The following CHST9 variants were observed in gnomAD, a reference collection of about 807,000 sequenced individuals.
CHST9 encodes carbohydrate sulfotransferase 9.
Under a neutral mutation model 44.4 loss-of-function variants are expected in CHST9, and 41 were observed. The observed-to-expected ratio is 0.92, with a 90% CI of 0.72 to 1.20. The LOEUF (loss-of-function observed/expected upper bound fraction) is 1.20. Ranked by LOEUF, CHST9 falls within the 50% of genes most tolerant of loss-of-function variation. The pLI, the probability that CHST9 is intolerant of heterozygous loss-of-function variation, is 0.00. For missense variants in CHST9, 504 were observed against 516.5 expected, an observed-to-expected ratio of 0.98 and a Z score of 0.23; for synonymous variants, 171 against 178.4, an observed-to-expected ratio of 0.96 and a Z score of 0.33.
rs144665290 is a variant in CHST9, at chr18:26,917,276, A to G, written c.315T>C (p.Thr105=). The G allele has an allele frequency of 7.3e-4, 1,182 of 1,613,802 alleles. 19 individuals carry two copies. In the East Asian group the frequency reaches 0.022, roughly 30 times the overall value. ...AATGACTGGTCTTTGTTAAGAGCCT[A>G]GTAGATCTCTCAGAATTGAGTAGAA... The part of the protein sequence containing the change: ...ENLLLNSERS[T]RLLTKTSHSQ... The change falls in exon 6 of 6, where the codon ACT becomes ACC. Residue 105 remains threonine, a synonymous_variant. Transcript: ENST00000618847.
chr18:27,120,062 CA>C (rs1470660851), intron 2 of CHST9, among the ~76,000 whole-genome samples: 1 of 152,154 alleles, frequency 6.6e-6, no homozygotes, highest in Non-Finnish European at 1.5e-5. Flanking sequence ...GGAAAGGCCC[CA>C]TCAAGAGAAA....
chr18:27,106,352 C>T (rs554756264), intron 2 of CHST9, among the ~76,000 whole-genome samples: 27 of 152,210 alleles, frequency 1.8e-4, no homozygotes, highest in African/African-American at 5.8e-4. Context: ...CTTAGTTTCC[C>T]GTCTTAATGA....
intron 4 of CHST9, among the ~76,000 whole-genome samples, chr18:26,997,607 CT>C (rs1395040925): frequency 2.0e-5 from 3 of 152,144 alleles, no homozygotes; most frequent in African/African-American, 7.2e-5. Context: ...GAGTTGGAAA[CT>C]TTTGATAAGG....
intron 3 of CHST9, among the ~76,000 whole-genome samples, chr18:27,026,929 G>C (rs898642758): frequency 6.6e-6 from 1 of 152,120 alleles, no homozygotes; most frequent in South Asian, 2.1e-4. Flanking sequence ...TCTGATCATC[G>C]TTTTTTGTGG....
chr18:27,104,316 CTGAT>C (rs1159110581), intron 2 of CHST9, among the ~76,000 whole-genome samples: 1 of 152,146 alleles, frequency 6.6e-6, no homozygotes, highest in Non-Finnish European at 1.5e-5. Flanking sequence ...GTGTGTCTGA[CTGAT>C]TGGCAGATGC....
chr18:27,144,496 T>C (rs76585715), intron 1 of CHST9, among the ~76,000 whole-genome samples: 1 of 152,116 alleles, frequency 6.6e-6, no homozygotes, highest in Non-Finnish European at 1.5e-5. Context: ...CTGAGCAGCA[T>C]GGTGAAACCC....
At chr18:27,064,126 T>C (rs1235476391) in intron 2 of CHST9, among the ~76,000 whole-genome samples, 1 of 152,066 alleles carries the variant, frequency 6.6e-6, no homozygotes, top group Non-Finnish European at 1.5e-5. Flanking sequence ...TGAGTATGAA[T>C]AGGCTGGCTG....
intron 2 of CHST9, among the ~76,000 whole-genome samples, chr18:27,138,411 C>G (rs2058535038): frequency 6.6e-6 from 1 of 152,170 alleles, no homozygotes; most frequent in South Asian, 2.1e-4. Flanking sequence ...TCCTATCCTT[C>G]TCCTGCCAGC....
intron 4 of CHST9, among the ~76,000 whole-genome samples, chr18:27,000,000 G>A (rs1417579123): frequency 6.6e-6 from 1 of 152,188 alleles, no homozygotes; most frequent in Admixed American, 6.5e-5. Context: ...AGAGAACCAC[G>A]TAATAAAAAT....
intron 4 of CHST9, among the ~76,000 whole-genome samples, chr18:27,008,935 G>C (rs1190408367): frequency 7.2e-6 from 1 of 139,302 alleles, no homozygotes; most frequent in Non-Finnish European, 1.6e-5. Context: ...CCTTTCCTTT[G>C]TCAAAAATAC....
chr18:26,956,536 GT>G (rs1337820278), intron 4 of CHST9, among the ~76,000 whole-genome samples: 1 of 150,830 alleles, frequency 6.6e-6, no homozygotes, highest in African/African-American at 2.4e-5. Flanking sequence ...TGTGGTCCTA[GT>G]GGTTATGATT....
At chr18:26,933,384 T>C (rs2055916566) in intron 5 of CHST9, among the ~76,000 whole-genome samples, 1 of 152,238 alleles carries the variant, frequency 6.6e-6, no homozygotes, top group African/African-American at 2.4e-5. Flanking sequence ...CTGAAAAATA[T>C]GTAATGCCTG....
chr18:26,977,422 T>A (rs1458427059), intron 4 of CHST9, among the ~76,000 whole-genome samples: 1 of 102,688 alleles, frequency 9.7e-6, no homozygotes. Flanking sequence ...CAAAGGTCAC[T>A]TGTAAAAAAA....
At position 27,024,059 on chromosome 18, in the gene CHST9, G is replaced by C. The variant is rs138296537; in HGVS notation, c.202+57C>G. The C allele has an allele frequency of 1.8e-3, 2,652 of 1,494,166 alleles. 8 individuals carry two copies. Among genetic ancestry groups the C allele is most frequent in the Middle Eastern group, 3.1e-3 (18 of 5,824 alleles). 92.6% of individuals were successfully genotyped at this position (1,494,166 alleles called of 1,614,324 possible). On this transcript the variant is annotated intron_variant, in intron 4 of 5. Coordinates refer to ENST00000618847, the MANE Select transcript of CHST9 (RefSeq NM_031422.6). The stretch of plus-strand genomic sequence containing the variant: ...TCTGAGGTTTTCAGATATTCTAGTT[G>C]TTGCTCTGCTTATCTATAACTACCC...
intron 2 of CHST9, among the ~76,000 whole-genome samples, chr18:27,080,564 G>A (rs1397669267): frequency 6.6e-6 from 1 of 152,026 alleles, no homozygotes; most frequent in Non-Finnish European, 1.5e-5. Context: ...CATATAATAG[G>A]CATTCAGTGA....
intron 4 of CHST9, among the ~76,000 whole-genome samples, chr18:27,009,657 C>G (rs1050181272): frequency 1.3e-5 from 2 of 152,166 alleles, no homozygotes; most frequent in African/African-American, 4.8e-5. Flanking sequence ...TGGTCCTGTA[C>G]TTTGGGCAGT....
chr18:27,159,340 T>G (rs1176209307), intron 1 of CHST9, among the ~76,000 whole-genome samples: 2 of 152,238 alleles, frequency 1.3e-5, no homozygotes, highest in African/African-American at 2.4e-5. Flanking sequence ...TAGCTAGTTT[T>G]CCCAGCACCA....
In CHST9 at chr18:27,024,596, G is replaced by A. The variant is rs11876203; in HGVS notation, c.161-439C>T. ...TGTGTAAAATTGAGTACTTGGGCTC[G>A]ATGTCTTTGGGTGAAATTGAGATAG... On this transcript the variant is annotated intron_variant, in intron 3 of 5. Transcript: ENST00000618847. Among the ~76,000 whole-genome samples, 30 of 152,238 alleles carry A rather than the reference G, an allele frequency of 2.0e-4. No individual in the cohort carries two copies. The East Asian group carries it at 4.6e-3, about 24-fold the overall frequency.
At chr18:27,151,384 AC>A in intron 1 of CHST9, among the ~76,000 whole-genome samples, 1 of 152,104 alleles carries the variant, frequency 6.6e-6, no homozygotes, top group East Asian at 1.9e-4. Context: ...ATAACACCTC[AC>A]GTAAGCACAG....
Sources: allele counts gnomAD v4.1 joint callset (sites outside exome capture counted in the v4.1 genomes callset), GRCh38; gene constraint gnomAD v4.1.1; transcripts MANE v1.5; gene names NCBI Gene and HGNC (gene_info 2026-07-23, HGNC 2026-07-21).